Variants in CSNK1G3 observed in about 807,000 individuals in gnomAD.
The protein encoded by CSNK1G3 is casein kinase I isoform gamma-3.
Under a neutral mutation model 64.3 loss-of-function variants are expected in CSNK1G3, and 23 were observed. That is an observed-to-expected ratio of 0.36 (90% CI 0.26 to 0.51). The LOEUF is 0.51. Ranked by LOEUF, CSNK1G3 falls within the 20% of genes least tolerant of loss-of-function variation. The pLI is 0.96. For missense variants in CSNK1G3, 357 were observed against 510.5 expected (o/e 0.70, Z 2.90); for synonymous variants, 158 against 162.2 (o/e 0.97, Z 0.20).
chr5:123,559,587 A>G (rs1390432847), intron 4 of CSNK1G3, among the ~76,000 whole-genome samples: 1 of 152,046 alleles, frequency 6.6e-6, no homozygotes, highest in Non-Finnish European at 1.5e-5. Context: ...ATTTACATAG[A>G]TTGAAATACA....
exon 13 of CSNK1G3, chr5:123,616,645 T>TA (rs1749502428): frequency 6.6e-6 from 1 of 152,624 alleles, no homozygotes; most frequent in Admixed American, 6.5e-5. Context: ...TTTGCATTTT[T>TA]ATGCTTATTT....
chr5:123,557,154 C>T (rs1310749288), intron 3 of CSNK1G3, among the ~76,000 whole-genome samples: 1 of 152,040 alleles, frequency 6.6e-6, no homozygotes, highest in Non-Finnish European at 1.5e-5. Context: ...AAGAAATACA[C>T]AGTTCAGAGG....
At chr5:123,561,821 C>A (rs185667121) in intron 4 of CSNK1G3, among the ~76,000 whole-genome samples, 38 of 152,160 alleles carry the variant, frequency 2.5e-4, no homozygotes, top group African/African-American at 9.2e-4. Context: ...TCTGGATTAC[C>A]TAGTTCCATT....
intron 12 of CSNK1G3, among the ~76,000 whole-genome samples, chr5:123,610,522 T>C (rs970699279): frequency 1.5e-4 from 23 of 152,034 alleles, no homozygotes; most frequent in Non-Finnish European, 2.4e-4. Flanking sequence ...TATACAAATA[T>C]ATGAAGAAAA....
intron 4 of CSNK1G3, among the ~76,000 whole-genome samples, chr5:123,560,714 C>T (rs1324808604): frequency 6.6e-5 from 10 of 152,134 alleles, no homozygotes; most frequent in South Asian, 6.2e-4. Flanking sequence ...TGAAATAAGG[C>T]GGTCACAAAA....
At position 123,584,954 on chromosome 5, in the gene CSNK1G3, C is replaced by G. The variant is rs560504247; in HGVS notation, c.674-3114C>G. On this transcript the variant is annotated intron_variant, in intron 6 of 12. Transcript: ENST00000345990. ...CTTCTGTTATTGGTAATTTGTGTTTCTTTCTTTTAGCCTGCTGAGAGGATT... is the reference window on the plus strand; with the variant it reads ...CTTCTGTTATTGGTAATTTGTGTTTGTTTCTTTTAGCCTGCTGAGAGGATT... Among the ~76,000 whole-genome samples, 3 of 152,144 alleles carry G rather than the reference C, an allele frequency of 2.0e-5. No homozygotes were observed. The South Asian group carries it at 6.2e-4, about 32-fold the overall frequency.
exon 13 of CSNK1G3, chr5:123,616,718 T>G (rs1339471930): frequency 6.6e-6 from 1 of 152,538 alleles, no homozygotes; most frequent in Non-Finnish European, 1.5e-5. Context: ...CATCCCTGTT[T>G]AAAAGTATGT....
At chr5:123,563,768 T>A (rs982375012) in intron 4 of CSNK1G3, among the ~76,000 whole-genome samples, 4 of 152,110 alleles carry the variant, frequency 2.6e-5, no homozygotes, top group Non-Finnish European at 1.5e-5. Context: ...TCTATGTATA[T>A]TATAAGCTGT....
intron 1 of CSNK1G3, among the ~76,000 whole-genome samples, chr5:123,523,529 C>T (rs1778507068): frequency 6.6e-6 from 1 of 152,036 alleles, no homozygotes; most frequent in Non-Finnish European, 1.5e-5. Flanking sequence ...TTTGGCAGTT[C>T]TATAAATTGC....
chr5:123,529,300 T>A (rs1414401510), intron 1 of CSNK1G3, among the ~76,000 whole-genome samples: 3 of 152,218 alleles, frequency 2.0e-5, no homozygotes, highest in Non-Finnish European at 4.4e-5. Flanking sequence ...GGAACATAAC[T>A]CTGTATTTAT....
At chr5:123,554,367 A>G (rs1280486083) in intron 3 of CSNK1G3, among the ~76,000 whole-genome samples, 3 of 152,200 alleles carry the variant, frequency 2.0e-5, no homozygotes, top group Non-Finnish European at 4.4e-5. Flanking sequence ...TAATCAGTTC[A>G]CACTATCAAG....
intron 2 of CSNK1G3, among the ~76,000 whole-genome samples, chr5:123,547,325 T>G (rs573189744): frequency 6.6e-6 from 1 of 152,252 alleles, no homozygotes; most frequent in East Asian, 1.9e-4. Context: ...CTTTGGCCAT[T>G]TTTATTCAGA....
chr5:123,611,296 C>T (rs1561636522), intron 12 of CSNK1G3, among the ~76,000 whole-genome samples: 1 of 152,112 alleles, frequency 6.6e-6, no homozygotes, highest in Non-Finnish European at 1.5e-5. Context: ...CAATGCTGTC[C>T]TCTGGTGGTA....
intron 12 of CSNK1G3, among the ~76,000 whole-genome samples, 184 bp downstream of exon 13, chr5:123,605,546 C>T (rs1795217177): frequency 6.6e-6 from 1 of 152,048 alleles, no homozygotes; most frequent in Non-Finnish European, 1.5e-5. Flanking sequence ...GTTTGAGGAG[C>T]TCTTTTGCCT....
At chr5:123,609,411 T>C (rs2151218147) in intron 12 of CSNK1G3, among the ~76,000 whole-genome samples, 1 of 152,306 alleles carries the variant, frequency 6.6e-6, no homozygotes, top group Admixed American at 6.5e-5. Context: ...TAGTATTCTC[T>C]AGTAAACAAA....
At chr5:123,576,074 A>T in intron 6 of CSNK1G3, 111 bp downstream of exon 6, 1 of 623,330 alleles carries the variant, frequency 1.6e-6, no homozygotes, top group Non-Finnish European at 2.8e-6. Context: ...CTTTTATTAT[A>T]ATTTTCATTT....
intron 1 of CSNK1G3, among the ~76,000 whole-genome samples, chr5:123,526,060 T>G (rs1053244626): frequency 6.6e-6 from 1 of 151,506 alleles, no homozygotes; most frequent in Non-Finnish European, 1.5e-5. Context: ...TTTTTAGAGA[T>G]AGGGTCTCAC....
chr5:123,554,585 C>T (rs1269719989), intron 3 of CSNK1G3, among the ~76,000 whole-genome samples: 1 of 152,212 alleles, frequency 6.6e-6, no homozygotes, highest in Non-Finnish European at 1.5e-5. Context: ...CCTCGGCCTC[C>T]CAAAGTGCTG....
chr5:123,527,995 A>G (rs946158371), intron 1 of CSNK1G3, among the ~76,000 whole-genome samples: 2 of 152,178 alleles, frequency 1.3e-5, no homozygotes, highest in African/African-American at 4.8e-5. Flanking sequence ...TGATGAGGAT[A>G]AAGTTGTTTG....
Sources: gnomAD v4.1 joint callset for allele counts (sites outside exome capture counted in the v4.1 genomes callset) on GRCh38, gnomAD v4.1.1 for gene constraint, MANE v1.5 for transcripts, NCBI Gene and HGNC (gene_info 2026-07-23, HGNC 2026-07-21) for gene names.